CACUL1: variants seen among roughly 807,000 people sequenced by gnomAD.
CACUL1 encodes the protein CDK2-associated and cullin domain-containing protein 1.
CACUL1 carries 13 observed loss-of-function variants against 45.2 expected under a neutral mutation model. The observed-to-expected ratio is 0.29, with a 90% CI of 0.19 to 0.46. CACUL1 has a LOEUF of 0.46. CACUL1 is among the 20% of genes least tolerant of loss of function. The pLI, the probability that CACUL1 is intolerant of heterozygous loss-of-function variation, is 1.00. For synonymous variants in CACUL1, 197 were observed against 174.2 expected (o/e 1.13, Z -1.03); for missense variants, 421 against 471.4 (o/e 0.89, Z 0.99).
At chr10:118,736,113 C>A (rs1282306340) in intron 1 of CACUL1, among the ~76,000 whole-genome samples, 1 of 152,134 alleles carries the variant, frequency 6.6e-6, no homozygotes, top group Non-Finnish European at 1.5e-5. Flanking sequence ...GGACTCAGAG[C>A]AGCTGAAGGC....
chr10:118,711,693 T>C (rs1198900039), intron 3 of CACUL1, among the ~76,000 whole-genome samples: 2 of 152,230 alleles, frequency 1.3e-5, no homozygotes, highest in African/African-American at 2.4e-5. Context: ...TAAATAAAAT[T>C]GAATTCCTTG....
Position 118,754,465 on chromosome 10 carries a change from C to G in CACUL1, c.298G>C (p.Val100Leu), listed in dbSNP as rs780308072. Reference protein sequence around the residue: ...MLKSCDAAAAVAKAAPAPTAS... With the variant: ...MLKSCDAAAALAKAAPAPTAS... ...GTGGGGGCGGGGGCCGCCTTGGCCACGGCGGCGGCCGCGTCGCAGCTCTTC... is the reference window on the plus strand; with the variant it reads ...GTGGGGGCGGGGGCCGCCTTGGCCAGGGCGGCGGCCGCGTCGCAGCTCTTC... The change falls in exon 1 of 9, where the codon GTG (valine) becomes CTG (leucine). Residue 100 changes from valine (V) to leucine (L), a missense_variant. Transcript: ENST00000369151. 9.3e-6 allele frequency: 15 copies of G among 1,605,726 alleles called. No individual in the cohort carries two copies. Among genetic ancestry groups the G allele is most frequent in the Non-Finnish European group, 1.3e-5 (15 of 1,176,760 alleles).
At chr10:118,687,917 C>T (rs3303) in intron 7 of CACUL1, among the ~76,000 whole-genome samples, 9,064 of 152,268 alleles carry the variant, frequency 0.06, 381 homozygotes, top group East Asian at 0.19. Flanking sequence ...GTGTTGTTCA[C>T]CCCACTGCCT....
At chr10:118,690,285 G>T (rs1845250345) in intron 7 of CACUL1, among the ~76,000 whole-genome samples, 1 of 131,886 alleles carries the variant, frequency 7.6e-6, no homozygotes, top group African/African-American at 2.9e-5. Context: ...TCCGGCCTGG[G>T]CGACAGAGCG....
At chr10:118,701,167 G>A in intron 5 of CACUL1, 139 bp downstream of exon 5, 1 of 463,560 alleles carries the variant, frequency 2.2e-6, no homozygotes, top group Non-Finnish European at 3.9e-6. Flanking sequence ...TGTCTCAGGT[G>A]GGCTTCAACA....
At chr10:118,703,804 T>C (rs554646639) in intron 4 of CACUL1, among the ~76,000 whole-genome samples, 1 of 152,338 alleles carries the variant, frequency 6.6e-6, no homozygotes, top group East Asian at 1.9e-4. Flanking sequence ...TAAATTGTGA[T>C]ATTGGGTATA....
At chr10:118,693,397 T>C (rs1319452484) in intron 6 of CACUL1, 1 of 161,736 alleles carries the variant, frequency 6.2e-6, no homozygotes, top group Non-Finnish European at 1.4e-5. Flanking sequence ...TCAGAAAATG[T>C]GCAGGGCAGC....
rs773934934 is a variant in CACUL1, at chr10:118,730,397, T to C, written c.381A>G (p.Ile127Met). 2.5e-6 allele frequency: 4 copies of C among 1,612,382 alleles called. No homozygotes were observed. Among genetic ancestry groups the C allele is most frequent in the Non-Finnish European group, 3.4e-6 (4 of 1,178,818 alleles). Residue 127 changes from isoleucine to methionine, a missense_variant, in exon 2 of 9, where the codon ATA becomes ATG. By Grantham distance (10) the Ile-to-Met change is conservative (BLOSUM62 1). Coordinates refer to ENST00000369151, the MANE Select transcript of CACUL1 (RefSeq NM_153810.5). ...TSTSKFLMNV[I>M]TIEDYKSTYW... is the part of the protein sequence containing the mutation. The stretch of plus-strand genomic sequence containing the variant: ...ATGTGCTCTTATAATCTTCAATAGT[T>C]ATAACATTCATTACTAAAAGTAAAA...
At position 118,747,872 on chromosome 10, in the gene CACUL1, G is replaced by A. The variant is rs561100222; in HGVS notation, c.367+6524C>T. On this transcript the variant is annotated intron_variant, in intron 1 of 8. Coordinates refer to ENST00000369151, the MANE Select transcript of CACUL1 (RefSeq NM_153810.5). ...GTCCAAGGCAGGTAGATCACTTGGG[G>A]CCAGGAATTCAAGATCAGCCTGGCC... is the stretch of plus-strand genomic sequence containing the variant. 3.7e-4 allele frequency among the ~76,000 whole-genome samples: 56 copies of A among 152,230 alleles called. 1 individual carries two copies. Among genetic ancestry groups the A allele is most frequent in the African/African-American group, 1.3e-3 (56 of 41,528 alleles).
chr10:118,688,750 T>C (rs79863726), intron 7 of CACUL1, among the ~76,000 whole-genome samples: 8,593 of 152,254 alleles, frequency 0.056, 367 homozygotes, highest in Non-Finnish European at 0.079. Flanking sequence ...TTCAATTATG[T>C]AGGTAAGAGA....
At chr10:118,750,687 A>G (rs536169115) in intron 1 of CACUL1, among the ~76,000 whole-genome samples, 2 of 152,336 alleles carry the variant, frequency 1.3e-5, no homozygotes, top group African/African-American at 4.8e-5. Context: ...GGACATCTCA[A>G]CATCTCACAA....
chr10:118,741,280 A>T (rs184492739), intron 1 of CACUL1, among the ~76,000 whole-genome samples: 1 of 152,322 alleles, frequency 6.6e-6, no homozygotes, highest in East Asian at 1.9e-4. Context: ...GAGTTTGGCG[A>T]ATCTCAAATC....
At chr10:118,708,062 T>A (rs1427374975) in intron 3 of CACUL1, among the ~76,000 whole-genome samples, 2 of 143,898 alleles carry the variant, frequency 1.4e-5, no homozygotes, top group East Asian at 4.1e-4. Context: ...GACAGGAGAA[T>A]CACTTGAACC....
intron 5 of CACUL1, among the ~76,000 whole-genome samples, chr10:118,699,839 G>A (rs1845360529): frequency 6.6e-6 from 1 of 151,422 alleles, no homozygotes; most frequent in South Asian, 2.1e-4. Flanking sequence ...CAGTAGAGAC[G>A]GGGTTTCACC....
At chr10:118,715,342 TA>T (rs1230072718) in intron 3 of CACUL1, among the ~76,000 whole-genome samples, 1 of 152,222 alleles carries the variant, frequency 6.6e-6, no homozygotes, top group Non-Finnish European at 1.5e-5. Flanking sequence ...CTTTCAAAGC[TA>T]AACAAGGAAG....
At chr10:118,721,791 G>C (rs1845603252) in intron 3 of CACUL1, among the ~76,000 whole-genome samples, 1 of 151,948 alleles carries the variant, frequency 6.6e-6, no homozygotes. Flanking sequence ...CAAAATGTCA[G>C]AATATTTTTA....
chr10:118,740,931 A>G (rs1845786772), intron 1 of CACUL1, among the ~76,000 whole-genome samples: 1 of 152,060 alleles, frequency 6.6e-6, no homozygotes, highest in Non-Finnish European at 1.5e-5. Context: ...ATCTCAAAAA[A>G]AAAAAAAACA....
intron 3 of CACUL1, among the ~76,000 whole-genome samples, chr10:118,710,221 C>A (rs776962807): frequency 6.6e-6 from 1 of 152,028 alleles, no homozygotes; most frequent in Non-Finnish European, 1.5e-5. Flanking sequence ...CCACCACACC[C>A]AGCGCATTTC....
intron 6 of CACUL1, among the ~76,000 whole-genome samples, chr10:118,694,697 T>TGA (rs1845302947): frequency 6.6e-6 from 1 of 152,234 alleles, no homozygotes; most frequent in Non-Finnish European, 1.5e-5. Flanking sequence ...TTGGTTCTTG[T>TGA]GATTGTCTCT....
Sources: gnomAD v4.1 joint callset for allele counts (sites outside exome capture counted in the v4.1 genomes callset) on GRCh38, gnomAD v4.1.1 for gene constraint, MANE v1.5 for transcripts, NCBI Gene and HGNC (gene_info 2026-07-23, HGNC 2026-07-21) for gene names.